FGF5: variants seen among roughly 807,000 people sequenced by gnomAD.
FGF5 encodes the protein heparin-binding growth factor 5.
Under a neutral mutation model 21.8 loss-of-function variants are expected in FGF5, and 23 were observed. The observed-to-expected ratio is 1.05, with a 90% CI of 0.76 to 1.49. The LOEUF (loss-of-function observed/expected upper bound fraction) is 1.49. Ranked by LOEUF, FGF5 falls within the 40% of genes most tolerant of loss-of-function variation. The pLI, the probability that FGF5 is intolerant of heterozygous loss-of-function variation, is 0.00. For synonymous variants in FGF5, 158 were observed against 124.0 expected (o/e 1.27, Z -1.82); for missense variants, 352 against 332.9 (o/e 1.06, Z -0.45).
chr4:80,276,612 G>A (rs1199861408), intron 2 of FGF5, among the ~76,000 whole-genome samples: 2 of 151,666 alleles, frequency 1.3e-5, no homozygotes, highest in South Asian at 2.1e-4. Context: ...AGTGTACACC[G>A]TACCCAATGT....
At chr4:80,275,249 A>C (rs931645630) in intron 2 of FGF5, among the ~76,000 whole-genome samples, 2 of 152,084 alleles carry the variant, frequency 1.3e-5, no homozygotes, top group Non-Finnish European at 2.9e-5. Context: ...AATGTATTTG[A>C]AAACAGCATT....
Position 80,286,182 on chromosome 4 carries a change from A to C in FGF5, c.460-143A>C, listed in dbSNP as rs1481768618. 5.3e-6 allele frequency: 3 copies of C among 571,248 alleles called. No homozygotes were observed. The East Asian group carries it at 8.2e-5, about 16-fold the overall frequency. The allele number at this position is 571,248 out of a possible 1,614,324, so 35.4% of individuals were successfully genotyped here. A position where few individuals can be genotyped will look rare whatever the true frequency, so the allele number is the denominator to read the frequency against. On this transcript the variant is annotated intron_variant, in intron 2 of 2. Coordinates refer to ENST00000312465, the MANE Select transcript of FGF5 (RefSeq NM_004464.4). ...ATTTTAAAGCAACTTTAAAATAAGCAAACATGTCTTTATAAAAAGGAATTG... is the reference window on the plus strand; with the variant it reads ...ATTTTAAAGCAACTTTAAAATAAGCCAACATGTCTTTATAAAAAGGAATTG...
chr4:80,288,280 A>G lies in FGF5; in HGVS notation c.*1608A>G, dbSNP rs1361925367. Reference sequence around the variant, plus strand: ...ACCAAAATTGAACTAGCTACCATATAAGCAGATTGCTTTAATTTGATGGGA... The same window carrying G: ...ACCAAAATTGAACTAGCTACCATATGAGCAGATTGCTTTAATTTGATGGGA... On this transcript the variant is annotated 3_prime_UTR_variant, in exon 3 of 3. Coordinates refer to ENST00000312465, the MANE Select transcript of FGF5 (RefSeq NM_004464.4). 1 of 152,202 alleles carries G rather than the reference A, an allele frequency of 6.6e-6. No homozygotes were observed. The highest frequency in any genetic ancestry group is 2.4e-5 in the African/African-American group (1 of 41,462). The allele number at this position is 152,202 out of a possible 1,614,324, so 9.4% of individuals were successfully genotyped here. A position where few individuals can be genotyped will look rare whatever the true frequency, so the allele number is the denominator to read the frequency against.
intron 2 of FGF5, among the ~76,000 whole-genome samples, chr4:80,278,249 AT>A (rs1720468627): frequency 1.3e-5 from 2 of 152,168 alleles, no homozygotes; most frequent in African/African-American, 4.8e-5. Flanking sequence ...TCATTAGAAT[AT>A]TTATAGCACT....
At chr4:80,276,521 T>C (rs1022630249) in intron 2 of FGF5, among the ~76,000 whole-genome samples, 1 of 151,986 alleles carries the variant, frequency 6.6e-6, no homozygotes, top group Non-Finnish European at 1.5e-5. Context: ...AATAGGTTTT[T>C]AAGGAGCAGG....
chr4:80,284,239 G>A (rs909225042), intron 2 of FGF5, among the ~76,000 whole-genome samples: 9 of 152,146 alleles, frequency 5.9e-5, no homozygotes, highest in Admixed American at 2.0e-4. Context: ...TTCGAGACAA[G>A]CCTGGCCAAT....
chr4:80,288,902 GAA>G lies in FGF5; in HGVS notation c.*2231_*2232del, dbSNP rs1297255473. The stretch of plus-strand genomic sequence containing the variant: ...ACTAAATATATATTATGCAAGTCAG[GAA>G]TCATTAATTTCAAAATTTAAAGCCA... On this transcript the variant is annotated 3_prime_UTR_variant, in exon 3 of 3. Transcript: ENST00000312465. 2 of 152,082 alleles carry G rather than the reference GAA, an allele frequency of 1.3e-5. No homozygotes were observed. The highest frequency in any genetic ancestry group is 2.9e-5 in the Non-Finnish European group (2 of 67,914). 9.4% of individuals were successfully genotyped at this position (152,082 alleles called of 1,614,324 possible).
At chr4:80,267,381 G>A (rs1055142513) in intron 1 of FGF5, among the ~76,000 whole-genome samples, 22 of 152,206 alleles carry the variant, frequency 1.4e-4, no homozygotes, top group Non-Finnish European at 2.5e-4. Flanking sequence ...CTGGGCATGA[G>A]GAATTGCGAT....
chr4:80,283,078 G>A (rs897321704), intron 2 of FGF5, among the ~76,000 whole-genome samples: 2 of 152,180 alleles, frequency 1.3e-5, no homozygotes, highest in African/African-American at 2.4e-5. Flanking sequence ...CCTTCAAGAT[G>A]AGTAAATTCA....
chr4:80,278,205 T>G (rs757947693), intron 2 of FGF5, among the ~76,000 whole-genome samples: 7 of 152,324 alleles, frequency 4.6e-5, no homozygotes, highest in Non-Finnish European at 1.0e-4. Flanking sequence ...GAAAATATTT[T>G]TGTATTACAT....
intron 2 of FGF5, among the ~76,000 whole-genome samples, chr4:80,284,083 C>T (rs1720640836): frequency 6.6e-6 from 1 of 152,142 alleles, no homozygotes; most frequent in Non-Finnish European, 1.5e-5. Flanking sequence ...TGCAGGCTGG[C>T]AAGGTGTATC....
rs1358356385 is a variant in FGF5, at chr4:80,278,419, C to G, written c.459+3407C>G. ...GGTCTCCAGTACTTTACTTTAGAATCTAGAGAAGAGGGGATGTGTCTGCCA... is the reference window on the plus strand; with the variant it reads ...GGTCTCCAGTACTTTACTTTAGAATGTAGAGAAGAGGGGATGTGTCTGCCA... On this transcript the variant is annotated intron_variant, in intron 2 of 2. Coordinates refer to ENST00000312465, the MANE Select transcript of FGF5 (RefSeq NM_004464.4). Among the ~76,000 whole-genome samples, 5 of 152,158 alleles carry G rather than the reference C, an allele frequency of 3.3e-5. No homozygotes were observed. The East Asian group carries it at 9.7e-4, about 29-fold the overall frequency.
chr4:80,270,908 G>A (rs1720254398), intron 1 of FGF5, among the ~76,000 whole-genome samples: 1 of 152,172 alleles, frequency 6.6e-6, no homozygotes, highest in South Asian at 2.1e-4. Flanking sequence ...CCCAAGCCTA[G>A]ATAAATCAGA....
chr4:80,279,246 CAAAAGAAGG>C (rs1720491866), intron 2 of FGF5, among the ~76,000 whole-genome samples: 1 of 152,120 alleles, frequency 6.6e-6, no homozygotes, highest in Non-Finnish European at 1.5e-5. Context: ...TTATCAACTA[CAAAAGAAGG>C]AAAATTAAAG....
chr4:80,279,521 G>A (rs1291338750), intron 2 of FGF5, among the ~76,000 whole-genome samples: 1 of 152,130 alleles, frequency 6.6e-6, no homozygotes, highest in African/African-American at 2.4e-5. Context: ...AACTTTGTGT[G>A]CTTATAGGTG....
Position 80,289,541 on chromosome 4 carries a change from T to C in FGF5, c.*2869T>C, listed in dbSNP as rs566542828. The C allele has an allele frequency of 6.6e-6, 1 of 152,258 alleles. No homozygotes were observed. The highest frequency in any genetic ancestry group is 2.1e-4 in the South Asian group (1 of 4,828). 9.4% of individuals were successfully genotyped at this position (152,258 alleles called of 1,614,324 possible). A position where few individuals can be genotyped will look rare whatever the true frequency, so the allele number is the denominator to read the frequency against. ...TTTATATTAATATTTAGGAGTCTAT[T>C]TTGTCTATAGGTGACAAACATCTCC... On this transcript the variant is annotated 3_prime_UTR_variant, in exon 3 of 3. Coordinates refer to ENST00000312465, the MANE Select transcript of FGF5 (RefSeq NM_004464.4).
intron 2 of FGF5, among the ~76,000 whole-genome samples, chr4:80,279,087 G>C (rs531997976): frequency 6.6e-6 from 1 of 152,218 alleles, no homozygotes; most frequent in South Asian, 2.1e-4. Context: ...CCCCTAGAGA[G>C]CCTTTCTGGA....
chr4:80,275,872 T>C lies in FGF5; in HGVS notation c.459+860T>C, dbSNP rs1291436115. Among the ~76,000 whole-genome samples, 3 of 152,200 alleles carry C rather than the reference T, an allele frequency of 2.0e-5. No individual in the cohort carries two copies. The East Asian group carries it at 5.8e-4, about 29-fold the overall frequency. On this transcript the variant is annotated intron_variant, in intron 2 of 2. Transcript: ENST00000312465. ...TTTGAAAGCAATTATTCTTTAAAGTTAGTCCTTTAATCCTGATTCTTTATA... is the reference window on the plus strand; with the variant it reads ...TTTGAAAGCAATTATTCTTTAAAGTCAGTCCTTTAATCCTGATTCTTTATA...
chr4:80,270,728 G>A (rs1054935059), intron 1 of FGF5, among the ~76,000 whole-genome samples: 6 of 152,190 alleles, frequency 3.9e-5, no homozygotes, highest in Non-Finnish European at 7.3e-5. Flanking sequence ...AGGCAATCAA[G>A]TAGTTGTCAG....
Sources: allele counts gnomAD v4.1 joint callset (sites outside exome capture counted in the v4.1 genomes callset), GRCh38; gene constraint gnomAD v4.1.1; transcripts MANE v1.5; gene names NCBI Gene and HGNC (gene_info 2026-07-23, HGNC 2026-07-21).